The following SCRN2 variants were observed in gnomAD, a reference collection of about 807,000 sequenced individuals.
The protein encoded by SCRN2 is secernin 2.
Under a neutral mutation model 40.1 loss-of-function variants are expected in SCRN2, and 30 were observed. The observed-to-expected ratio is 0.75, with a 90% CI of 0.56 to 1.01. The LOEUF (loss-of-function observed/expected upper bound fraction) is 1.01, where lower values mean the gene tolerates loss of function less well. Ranked by LOEUF, SCRN2 falls within the 50% of genes least tolerant of loss-of-function variation. The probability of loss-of-function intolerance (pLI) is 0.00; values close to 1 mark genes in which losing one functional copy is unlikely to be tolerated. For synonymous variants in SCRN2, 240 were observed against 233.5 expected (o/e 1.03, Z -0.25); for missense variants, 526 against 564.9 (o/e 0.93, Z 0.70).
intron 1 of SCRN2, 91 bp from the exon 2 acceptor site, chr17:47,840,934 G>A (rs1436286858): frequency 1.6e-6 from 2 of 1,250,194 alleles, no homozygotes; most frequent in Non-Finnish European, 2.1e-6. Context: ...GCGCAAGGAA[G>A]ACACCGCCGT....
rs2033741920 is a variant in SCRN2, at chr17:47,838,398, C to G, written c.991G>C (p.Val331Leu). ...FGMGVAQAPQVLSPTFGAQDP... is the reference protein window; with the variant it reads ...FGMGVAQAPQLLSPTFGAQDP... Reference sequence around the variant, plus strand: ...TGTGCTCCAAAAGTGGGGGACAGCACCTGGGGGGCCTGGGCCACCCCCATC... The same window carrying G: ...TGTGCTCCAAAAGTGGGGGACAGCAGCTGGGGGGCCTGGGCCACCCCCATC... Residue 331 changes from valine to leucine, a missense_variant, in exon 7 of 8, where the codon GTG (valine) becomes CTG (leucine). By Grantham distance (32) the Val-to-Leu change is conservative. Transcript: ENST00000290216. 1.2e-6 allele frequency: 2 copies of G among 1,609,858 alleles called. No individual in the cohort carries two copies. The highest frequency in any genetic ancestry group is 2.7e-5 in the African/African-American group (2 of 74,588).
rs190097354 is a variant in SCRN2 at position 47,838,612 on chromosome 17, G to A, written c.857C>T (p.Thr286Met). The A allele has an allele frequency of 1.2e-5, 20 of 1,614,054 alleles. No individual in the cohort carries two copies. Among genetic ancestry groups the A allele is most frequent in the Middle Eastern group, 1.6e-4 (1 of 6,062 alleles). The change falls in exon 6 of 8, where the codon ACG becomes ATG. Residue 286 changes from threonine to methionine, a missense_variant. Thr to Met is a moderately conservative substitution (Grantham distance 81). Coordinates refer to ENST00000290216, the MANE Select transcript of SCRN2 (RefSeq NM_138355.4). ...ICMDSGGFRTTASMVSVLPQD... is the reference protein window; with the variant it reads ...ICMDSGGFRTMASMVSVLPQD... The stretch of plus-strand genomic sequence containing the variant: ...GGGCAGGACAGACACCATGCTGGCC[G>A]TGGTGCGAAAGCCTCCCGAGTCCAT...
chr17:47,840,542 G>T, intron 2 of SCRN2, 128 bp downstream of exon 2: 2 of 1,258,660 alleles, frequency 1.6e-6, no homozygotes, highest in Non-Finnish European at 2.2e-6. Context: ...GGTCCAGGTT[G>T]GTAGACCTAA....
At position 47,838,690 on chromosome 17, in the gene SCRN2, A is replaced by G; in HGVS notation, c.779T>C (p.Ile260Thr). ...RELLRQRQGG[I>T]TAEVMMGILR... ...GATGCCCATCATCACCTCTGCCGTGATGCCCCCTGCCAAGGAGTAGAGGGG... is the reference window on the plus strand; with the variant it reads ...GATGCCCATCATCACCTCTGCCGTGGTGCCCCCTGCCAAGGAGTAGAGGGG... The change falls in exon 6 of 8, where the codon ATC becomes ACC. Residue 260 changes from isoleucine (I) to threonine (T), a missense_variant. Physicochemically the swap from Ile to Thr is moderately conservative, Grantham distance 89. Transcript: ENST00000290216. 1.2e-6 allele frequency: 2 copies of G among 1,613,706 alleles called. No homozygotes were observed. Among genetic ancestry groups the G allele is most frequent in the Non-Finnish European group, 8.5e-7 (1 of 1,179,808 alleles).
chr17:47,840,836 G>A lies in SCRN2; in HGVS notation c.8C>T (p.Ser3Leu), dbSNP rs1448557007. Residue 3 changes from serine to leucine, a missense_variant, in exon 2 of 8, where the codon TCG (serine) becomes TTG (leucine). Coordinates refer to ENST00000290216, the MANE Select transcript of SCRN2 (RefSeq NM_138355.4). MA[S>L]SSPDSPCSCD... ...GGAACATGGGGAGTCAGGGCTCGAC[G>A]ACGCCATCTGGGGAGAGGCGGGCCT... 1 of 1,530,514 alleles carries A rather than the reference G, an allele frequency of 6.5e-7. No homozygotes were observed. The highest frequency in any genetic ancestry group is 2.4e-5 in the East Asian group (1 of 42,446). The allele number at this position is 1,530,514 out of a possible 1,614,324, so 94.8% of individuals were successfully genotyped here.
chr17:47,839,201 G>C (rs2033769124), intron 4 of SCRN2, among the ~76,000 whole-genome samples, 195 bp from the exon 5 acceptor site: 1 of 152,210 alleles, frequency 6.6e-6, no homozygotes, highest in Non-Finnish European at 1.5e-5. Flanking sequence ...CGATGAAAAA[G>C]AAGTACCTGC....
chr17:47,837,849 C>A lies in SCRN2; in HGVS notation c.1273G>T (p.Ala425Ser). 2 of 1,599,068 alleles carry A rather than the reference C, an allele frequency of 1.3e-6. No homozygotes were observed. Among genetic ancestry groups the A allele is most frequent in the Non-Finnish European group, 1.7e-6 (2 of 1,179,164 alleles). ...AFVKRESQAY[A>S] ...GCCAGCAGAAGCTATGAAGCTTACG[C>A]ATAAGCCTGGCTCTCCCTCTTCACG... is the stretch of plus-strand genomic sequence containing the variant. The change falls in exon 8 of 8, where the codon GCG becomes TCG. Residue 425 changes from alanine to serine, a missense_variant. Ala to Ser is a moderately conservative substitution (Grantham distance 99, BLOSUM62 1). Transcript: ENST00000290216.
Position 47,840,260 on chromosome 17 carries a change from C to A in SCRN2, c.287G>T (p.Gly96Val). Residue 96 changes from glycine (G) to valine (V), a missense_variant, in exon 3 of 8, where the codon GGC becomes GTC. Gly to Val is a moderately radical substitution (Grantham distance 109). Coordinates refer to ENST00000290216, the MANE Select transcript of SCRN2 (RefSeq NM_138355.4). ...CTCCTTCGTCCACACAGCCTCGTTG[C>A]CAATGCAGACACCATGCTCGTTGGC... is the stretch of plus-strand genomic sequence containing the variant. ...MGANEHGVCI[G>V]NEAVWTKEPV... The A allele has an allele frequency of 6.2e-7, 1 of 1,614,160 alleles. No individual in the cohort carries two copies. Among genetic ancestry groups the A allele is most frequent in the Non-Finnish European group, 8.5e-7 (1 of 1,180,044 alleles).
At chr17:47,840,564 T>G in intron 2 of SCRN2, 106 bp downstream of exon 2, 3 of 1,343,204 alleles carry the variant, frequency 2.2e-6, no homozygotes, top group Non-Finnish European at 3.0e-6. Context: ...GCTCATGCTC[T>G]TCCACTACTT....
rs1213980614 is a variant in SCRN2 at position 47,841,224 on chromosome 17, A to T, written c.-17T>A. On this transcript the variant is annotated 5_prime_UTR_variant, in exon 1 of 8. Transcript: ENST00000290216. ...TCCCCTCACCCTCTCTTCCTCCAAGACCCCAGCTCGGTCCCGGGTGCCACC... is the reference window on the plus strand; with the variant it reads ...TCCCCTCACCCTCTCTTCCTCCAAGTCCCCAGCTCGGTCCCGGGTGCCACC... 1 of 164,722 alleles carries T rather than the reference A, an allele frequency of 6.1e-6. No homozygotes were observed. Among genetic ancestry groups the T allele is most frequent in the Non-Finnish European group, 1.3e-5 (1 of 76,590 alleles). 10.2% of individuals were successfully genotyped at this position (164,722 alleles called of 1,614,324 possible). A position where few individuals can be genotyped will look rare whatever the true frequency, so the allele number is the denominator to read the frequency against.
At chr17:47,839,879 G>C (rs1246628972) in intron 3 of SCRN2, 1 of 602,702 alleles carries the variant, frequency 1.7e-6, no homozygotes, top group South Asian at 2.0e-5. Flanking sequence ...GTTTCAGAGA[G>C]AGAAGTGTCC....
rs150465639 is a variant in SCRN2 at position 47,838,864 on chromosome 17, G to A, written c.699C>T (p.Thr233=). 5 of 1,613,576 alleles carry A rather than the reference G, an allele frequency of 3.1e-6. No individual in the cohort carries two copies. Residue 233 remains threonine, a synonymous_variant, in exon 5 of 8, where the codon ACC becomes ACT. Transcript: ENST00000290216. The part of the protein sequence containing the change: ...AFDFAQIFSL[T]QQPVRMEAAK... Reference sequence around the variant, plus strand: ...CAGCCTCCATGCGCACAGGCTGCTGGGTCAGGGAGAAGATCTGAGCAAAGT... The same window carrying A: ...CAGCCTCCATGCGCACAGGCTGCTGAGTCAGGGAGAAGATCTGAGCAAAGT...
intron 5 of SCRN2, 40 bp from the exon 6 acceptor site, chr17:47,838,736 T>G (rs905093121): frequency 5.6e-6 from 9 of 1,609,166 alleles, no homozygotes. Flanking sequence ...GAGGGGAGAG[T>G]GGCTGGCACT....
In SCRN2 at chr17:47,838,031, TG is replaced by T; in HGVS notation, c.1120-30del. The T allele has an allele frequency of 2.5e-6, 4 of 1,593,622 alleles. No individual in the cohort carries two copies. In the South Asian group the frequency reaches 4.5e-5, roughly 18 times the overall value. On this transcript the variant is annotated intron_variant, in intron 7 of 7. Transcript: ENST00000290216. ...CCCCAAGGGAAAGCTGAGATGAGTC[TG>T]TCCGGGACAGGCTTCCCGCCAGGTG...
chr17:47,839,715 GA>G (rs2033783527), intron 3 of SCRN2, 72 bp from the exon 4 acceptor site: 2 of 1,541,390 alleles, frequency 1.3e-6, no homozygotes, highest in African/African-American at 2.7e-5. Context: ...AGCTCCAGGG[GA>G]CAGAAGAGGC....
chr17:47,838,185 T>C, intron 7 of SCRN2, 85 bp downstream of exon 7: 1 of 1,554,648 alleles, frequency 6.4e-7, no homozygotes, highest in Non-Finnish European at 8.6e-7. Flanking sequence ...TTCCACTCCC[T>C]AGTTCCTTCA....
In SCRN2 at chr17:47,838,815, G is replaced by C. The variant is rs372666717; in HGVS notation, c.748C>G (p.Arg250Gly). 2 of 1,613,164 alleles carry C rather than the reference G, an allele frequency of 1.2e-6. No individual in the cohort carries two copies. Among genetic ancestry groups the C allele is most frequent in the Non-Finnish European group, 1.7e-6 (2 of 1,180,010 alleles). Residue 250 changes from arginine to glycine, a missense_variant, in exon 5 of 8, where the codon CGG (arginine) becomes GGG (glycine). By Grantham distance (125) the Arg-to-Gly change is moderately radical (BLOSUM62 -2). Transcript: ENST00000290216. ...CCTTGCCGTTGCCGCAGCAGCTCCC[G>C]CCCTGCCTGGAAGCGGGCCTTGGCA... Reference protein sequence around the residue: ...EAAKARFQAGRELLRQRQGGI... With the variant: ...EAAKARFQAGGELLRQRQGGI...
Position 47,839,515 on chromosome 17 carries a change from A to G in SCRN2, c.485T>C (p.Leu162Pro). ...AAPFSYHSTF[L>P]LADRTEAWVL... Reference sequence around the variant, plus strand: ...CCACGCCTCAGTGCGGTCAGCCAGCAGGAAGGTGCTATGGTAGGAGAATGG... The same window carrying G: ...CCACGCCTCAGTGCGGTCAGCCAGCGGGAAGGTGCTATGGTAGGAGAATGG... Residue 162 changes from leucine (L) to proline (P), a missense_variant, in exon 4 of 8, where the codon CTG becomes CCG. By Grantham distance (98) the Leu-to-Pro change is moderately conservative. Coordinates refer to ENST00000290216, the MANE Select transcript of SCRN2 (RefSeq NM_138355.4). 1 of 1,613,982 alleles carries G rather than the reference A, an allele frequency of 6.2e-7. No individual in the cohort carries two copies. Among genetic ancestry groups the G allele is most frequent in the East Asian group, 2.2e-5 (1 of 44,876 alleles).
chr17:47,838,483 A>G (rs778298189), intron 6 of SCRN2, 33 bp from the exon 7 acceptor site: 49 of 1,613,820 alleles, frequency 3.0e-5, no homozygotes, highest in Non-Finnish European at 3.9e-5. Context: ...ACGGAGATAT[A>G]TCAGATCCTC....
Sources: gnomAD v4.1 joint callset for allele counts (sites outside exome capture counted in the v4.1 genomes callset) on GRCh38, gnomAD v4.1.1 for gene constraint, MANE v1.5 for transcripts, NCBI Gene and HGNC (gene_info 2026-07-23, HGNC 2026-07-21) for gene names.